PKNOX2: variants seen among roughly 807,000 people sequenced by gnomAD.
PKNOX2 encodes PBX/knotted 1 homeobox 2, also known as homeobox protein PKNOX2.
Under a neutral mutation model 53.1 loss-of-function variants are expected in PKNOX2, and 14 were observed. That is an observed-to-expected ratio of 0.26 (90% CI 0.17 to 0.41). The LOEUF (loss-of-function observed/expected upper bound fraction) is 0.41. PKNOX2 is among the 10% of genes least tolerant of loss of function. PKNOX2 has a pLI of 1.00. For synonymous variants in PKNOX2, 257 were observed against 242.8 expected (o/e 1.06, Z -0.54); for missense variants, 496 against 602.8 (o/e 0.82, Z 1.85).
chr11:125,308,122 G>A (rs1012414449), intron 2 of PKNOX2, among the ~76,000 whole-genome samples: 3 of 152,162 alleles, frequency 2.0e-5, no homozygotes, highest in Admixed American at 6.5e-5. Context: ...GGTGTTGAGC[G>A]TATGGTCCCG....
At chr11:125,251,542 T>C (rs1423101269) in intron 2 of PKNOX2, among the ~76,000 whole-genome samples, 5 of 152,056 alleles carry the variant, frequency 3.3e-5, no homozygotes, top group African/African-American at 1.2e-4. Flanking sequence ...TGGATTTTAA[T>C]TTAAAGAAAG....
chr11:125,410,962 G>A, intron 9 of PKNOX2, 86 bp downstream of exon 9: 1 of 1,099,702 alleles, frequency 9.1e-7, no homozygotes, highest in Non-Finnish European at 1.4e-6. Context: ...ACTTTACACG[G>A]GTGACTCATT....
intron 6 of PKNOX2, among the ~76,000 whole-genome samples, chr11:125,388,074 A>G (rs981517020): frequency 6.6e-6 from 1 of 152,006 alleles, no homozygotes; most frequent in Non-Finnish European, 1.5e-5. Context: ...CCTCAACTTC[A>G]TATCCTGGCC....
chr11:125,266,015 C>A (rs1158903372), intron 2 of PKNOX2, among the ~76,000 whole-genome samples: 2 of 152,174 alleles, frequency 1.3e-5, no homozygotes, highest in Non-Finnish European at 2.9e-5. Flanking sequence ...CCCCCAGCTC[C>A]ATAACTGGCC....
At chr11:125,188,607 G>GCC (rs1956596946) in intron 1 of PKNOX2, among the ~76,000 whole-genome samples, 1 of 152,136 alleles carries the variant, frequency 6.6e-6, no homozygotes, top group Non-Finnish European at 1.5e-5. Flanking sequence ...ATTGTTTGCA[G>GCC]CTCAAGGAGA....
At chr11:125,419,694 G>A (rs1046734584) in intron 10 of PKNOX2, among the ~76,000 whole-genome samples, 1 of 151,682 alleles carries the variant, frequency 6.6e-6, no homozygotes, top group African/African-American at 2.4e-5. Flanking sequence ...AGATTAGTAC[G>A]AATTAGTTCA....
chr11:125,332,914 G>A (rs566522803), intron 3 of PKNOX2, among the ~76,000 whole-genome samples: 41 of 152,238 alleles, frequency 2.7e-4, no homozygotes, highest in Admixed American at 9.8e-4. Flanking sequence ...AACAATGCTC[G>A]TCCTTCTTCC....
At chr11:125,401,408 C>T (rs1381723159) in intron 7 of PKNOX2, among the ~76,000 whole-genome samples, 6 of 152,194 alleles carry the variant, frequency 3.9e-5, no homozygotes, top group Non-Finnish European at 2.9e-5. Context: ...ATGTGCTGCT[C>T]CTGTTGTATT....
intron 2 of PKNOX2, among the ~76,000 whole-genome samples, chr11:125,298,056 C>T (rs1947776378): frequency 6.6e-6 from 1 of 152,168 alleles, no homozygotes; most frequent in African/African-American, 2.4e-5. Flanking sequence ...AGAGGACTTT[C>T]AGAGCTTGGG....
chr11:125,431,466 A>AG lies in PKNOX2; in HGVS notation c.*78dup. Reference sequence around the variant, plus strand: ...CGGGAGGCCTTCAGGGTGGGGGGGAAGGGGACATGGGCAGGAAGCACCGAG... The same window carrying AG: ...CGGGAGGCCTTCAGGGTGGGGGGGAAGGGGGACATGGGCAGGAAGCACCGAG... On this transcript the variant is annotated 3_prime_UTR_variant, in exon 13 of 13. Transcript: ENST00000298282. The AG allele has an allele frequency of 9.0e-6, 2 of 223,202 alleles. No homozygotes were observed. Among genetic ancestry groups the AG allele is most frequent in the Non-Finnish European group, 1.8e-5 (2 of 111,914 alleles). The allele number at this position is 223,202 out of a possible 1,614,324, so 13.8% of individuals were successfully genotyped here.
intron 1 of PKNOX2, among the ~76,000 whole-genome samples, chr11:125,205,815 C>G (rs1409851224): frequency 6.6e-6 from 1 of 152,118 alleles, no homozygotes; most frequent in East Asian, 1.9e-4. Context: ...AACCTAACCC[C>G]TAACTTCCAT....
intron 2 of PKNOX2, among the ~76,000 whole-genome samples, chr11:125,308,845 AG>A (rs1176238564): frequency 6.6e-6 from 1 of 152,168 alleles, no homozygotes; most frequent in Non-Finnish European, 1.5e-5. Context: ...CCTCTGTCCT[AG>A]TTCAGCACTC....
intron 10 of PKNOX2, among the ~76,000 whole-genome samples, chr11:125,425,318 C>T (rs1439864224): frequency 1.3e-5 from 2 of 152,246 alleles, no homozygotes; most frequent in Admixed American, 1.3e-4. Context: ...ACTGCCCAGT[C>T]GTGTGAGGCT....
chr11:125,320,458 G>A (rs891694814), intron 2 of PKNOX2, among the ~76,000 whole-genome samples: 6 of 152,090 alleles, frequency 3.9e-5, no homozygotes, highest in Non-Finnish European at 7.4e-5. Flanking sequence ...CAGGAGGGTG[G>A]GCAGCAGAGG....
At chr11:125,411,682 A>G (rs1404686123) in intron 9 of PKNOX2, 64 bp from the exon 10 acceptor site, 1 of 1,611,506 alleles carries the variant, frequency 6.2e-7, no homozygotes, top group African/African-American at 1.3e-5. Flanking sequence ...CGCTATGGCA[A>G]CAGGTCCCCA....
chr11:125,409,378 T>C (rs1239785967), intron 7 of PKNOX2, among the ~76,000 whole-genome samples: 1 of 152,194 alleles, frequency 6.6e-6, no homozygotes, highest in Non-Finnish European at 1.5e-5. Flanking sequence ...GGTTCCGTGC[T>C]GGTCGGCAGT....
chr11:125,428,014 C>T (rs1956511818), intron 10 of PKNOX2, among the ~76,000 whole-genome samples: 1 of 152,190 alleles, frequency 6.6e-6, no homozygotes, highest in Non-Finnish European at 1.5e-5. Context: ...CTGCATTTCT[C>T]TCCTTCTTAG....
chr11:125,261,474 G>A (rs1591501900), intron 2 of PKNOX2, among the ~76,000 whole-genome samples: 1 of 152,162 alleles, frequency 6.6e-6, no homozygotes, highest in Non-Finnish European at 1.5e-5. Flanking sequence ...TGTTGCATGT[G>A]GTAGATCAGC....
intron 4 of PKNOX2, among the ~76,000 whole-genome samples, chr11:125,362,386 T>A (rs1951971234): frequency 6.6e-6 from 1 of 152,102 alleles, no homozygotes; most frequent in Non-Finnish European, 1.5e-5. Flanking sequence ...CTTTTTTTGT[T>A]TTTTAGAGAC....
Sources: allele counts gnomAD v4.1 joint callset (sites outside exome capture counted in the v4.1 genomes callset), GRCh38; gene constraint gnomAD v4.1.1; transcripts MANE v1.5; gene names NCBI Gene and HGNC (gene_info 2026-07-23, HGNC 2026-07-21).